UTRN: variants seen among roughly 807,000 people sequenced by gnomAD.
UTRN encodes utrophin.
UTRN carries 283 observed loss-of-function variants against 463.9 expected under a neutral mutation model. That is an observed-to-expected ratio of 0.61 (90% CI 0.55 to 0.67). The LOEUF (loss-of-function observed/expected upper bound fraction) is 0.67, where lower values mean the gene tolerates loss of function less well. Ranked by LOEUF, UTRN falls within the 30% of genes least tolerant of loss-of-function variation. The pLI, the probability that UTRN is intolerant of heterozygous loss-of-function variation, is 0.00. For missense variants in UTRN, 3,922 were observed against 4,084.3 expected, an observed-to-expected ratio of 0.96 and a Z score of 1.08; for synonymous variants, 1,442 against 1,431.5, an observed-to-expected ratio of 1.01 and a Z score of -0.17.
chr6:144,594,022 T>C (rs1803383935), intron 51 of UTRN, among the ~76,000 whole-genome samples: 1 of 152,212 alleles, frequency 6.6e-6, no homozygotes, highest in South Asian at 2.1e-4. Flanking sequence ...TAAGTCAGTT[T>C]GGTATGGGAG....
chr6:144,816,690 T>G (rs1309634286), intron 65 of UTRN, among the ~76,000 whole-genome samples: 1 of 151,740 alleles, frequency 6.6e-6, no homozygotes, highest in African/African-American at 2.4e-5. Context: ...CTTTTTTAAG[T>G]AGCTGGGACT....
chr6:144,671,148 G>T (rs1206746329), intron 51 of UTRN, among the ~76,000 whole-genome samples: 1 of 147,998 alleles, frequency 6.8e-6, no homozygotes, highest in Non-Finnish European at 1.5e-5. Context: ...GAATTTTAGA[G>T]TTTTTTTTTT....
rs2114497067 is a variant in UTRN at position 144,286,419 on chromosome 6, CGG to C, written c.-93+599_-93+600del. Among the ~76,000 whole-genome samples the C allele has an allele frequency of 6.6e-6, 1 of 152,200 alleles. No homozygotes were observed. The highest frequency in any genetic ancestry group is 1.9e-4 in the East Asian group (1 of 5,142). On this transcript the variant is annotated intron_variant, in intron 1 of 74. Transcript: ENST00000367545. The surrounding 1 kb of genome is among the most constrained non-coding windows in gnomAD (Gnocchi z 4.4). ...GTTGCTGCTCCCAAGGGTGGGGCTC[CGG>C]AGAGTGTGGCGCGATCGCCAAGCTC... is the stretch of plus-strand genomic sequence containing the variant.
At chr6:144,823,167 A>AT (rs1233120872) in intron 66 of UTRN, among the ~76,000 whole-genome samples, 5 of 152,062 alleles carry the variant, frequency 3.3e-5, no homozygotes, top group Non-Finnish European at 7.4e-5. Context: ...ATTTATGAGC[A>AT]TTTTTTGTGA....
At chr6:144,521,145 G>A (rs1201414931) in intron 39 of UTRN, among the ~76,000 whole-genome samples, 9 of 152,124 alleles carry the variant, frequency 5.9e-5, no homozygotes, top group Admixed American at 3.9e-4. Context: ...AGTTAGCTGG[G>A]CATGATGGTG....
chr6:144,374,565 C>A (rs1034311851), intron 2 of UTRN, among the ~76,000 whole-genome samples: 1 of 151,530 alleles, frequency 6.6e-6, no homozygotes, highest in East Asian at 2.0e-4. Context: ...CTCATTGCAA[C>A]CTCCGCCTCC....
At chr6:144,665,187 A>T (rs906346110) in intron 51 of UTRN, among the ~76,000 whole-genome samples, 2 of 152,226 alleles carry the variant, frequency 1.3e-5, no homozygotes, top group Admixed American at 1.3e-4. Flanking sequence ...AAATTATTTT[A>T]ACAAGACCAA....
intron 51 of UTRN, among the ~76,000 whole-genome samples, chr6:144,599,803 C>A (rs528395389): frequency 3.1e-4 from 47 of 152,182 alleles, no homozygotes; most frequent in African/African-American, 1.0e-3. Flanking sequence ...CACAGGCATA[C>A]CCCCATCTTA....
At chr6:144,302,762 G>T (rs916437166) in intron 2 of UTRN, among the ~76,000 whole-genome samples, 5 of 152,208 alleles carry the variant, frequency 3.3e-5, no homozygotes, top group Non-Finnish European at 7.3e-5. Context: ...ATGAGGGTAG[G>T]TTTGAGTAAG....
intron 2 of UTRN, among the ~76,000 whole-genome samples, chr6:144,338,121 C>T (rs1776877364): frequency 6.6e-6 from 1 of 152,150 alleles, no homozygotes; most frequent in Non-Finnish European, 1.5e-5. Flanking sequence ...CTTGACATTA[C>T]TTTTTTGGGT....
intron 2 of UTRN, among the ~76,000 whole-genome samples, chr6:144,383,788 A>G (rs114223066): frequency 1.3e-5 from 2 of 152,212 alleles, no homozygotes; most frequent in Admixed American, 6.5e-5. Context: ...AAATAGTTCT[A>G]TCTTAAATAC....
intron 2 of UTRN, among the ~76,000 whole-genome samples, chr6:144,388,141 A>G (rs77720682): frequency 0.014 from 2,085 of 152,354 alleles, 42 homozygotes; most frequent in African/African-American, 0.047. Flanking sequence ...TCTAACGTAC[A>G]GATACAGTGC....
At position 144,758,009 on chromosome 6, in the gene UTRN, C is replaced by T. The variant is rs953913189; in HGVS notation, c.8495+20C>T. On this transcript the variant is annotated intron_variant, in intron 58 of 74. Coordinates refer to ENST00000367545, the MANE Select transcript of UTRN (RefSeq NM_007124.3). ...CATCAAGTAAGTTGATTTTAATTCT[C>T]CTTTATGATACCAAGAAAATCATGT... 6.3e-7 allele frequency: 1 copy of T among 1,589,094 alleles called. No individual in the cohort carries two copies. Among genetic ancestry groups the T allele is most frequent in the Non-Finnish European group, 8.6e-7 (1 of 1,163,806 alleles).
chr6:144,364,297 G>A (rs1381255379), intron 2 of UTRN, among the ~76,000 whole-genome samples: 1 of 152,178 alleles, frequency 6.6e-6, no homozygotes, highest in South Asian at 2.1e-4. Flanking sequence ...AACTCAATTG[G>A]TACCTGCAGA....
intron 34 of UTRN, among the ~76,000 whole-genome samples, chr6:144,507,532 G>T (rs1794787100): frequency 6.6e-6 from 1 of 152,122 alleles, no homozygotes; most frequent in Non-Finnish European, 1.5e-5. Flanking sequence ...TCTGCTGCAG[G>T]TCTGCTGGAG....
chr6:144,788,565 A>G (rs949160390), intron 61 of UTRN, among the ~76,000 whole-genome samples: 1 of 136,836 alleles, frequency 7.3e-6, no homozygotes, highest in Non-Finnish European at 1.6e-5. Flanking sequence ...AATTCATAGT[A>G]TTTTTTTTTT....
At chr6:144,722,721 A>T (rs1355891455) in intron 53 of UTRN, among the ~76,000 whole-genome samples, 1 of 152,138 alleles carries the variant, frequency 6.6e-6, no homozygotes, top group Non-Finnish European at 1.5e-5. Flanking sequence ...TCAGATACTA[A>T]ATAAACATAT....
At chr6:144,375,955 A>T (rs991728361) in intron 2 of UTRN, among the ~76,000 whole-genome samples, 2 of 151,912 alleles carry the variant, frequency 1.3e-5, no homozygotes, top group Non-Finnish European at 2.9e-5. Context: ...GCCTTTTTAT[A>T]AGTTGTAATG....
intron 44 of UTRN, among the ~76,000 whole-genome samples, chr6:144,538,667 C>T (rs1797743264): frequency 7.4e-6 from 1 of 134,372 alleles, no homozygotes; most frequent in Admixed American, 7.7e-5. Context: ...GAGACTCCGT[C>T]TCAAAAAAAA....
Sources: allele counts gnomAD v4.1 joint callset (sites outside exome capture counted in the v4.1 genomes callset), GRCh38; gene constraint gnomAD v4.1.1; non-coding constraint Gnocchi (gnomAD v3.1); transcripts MANE v1.5; gene names NCBI Gene and HGNC (gene_info 2026-07-23, HGNC 2026-07-21).